Variants in ZPLD1 observed in about 807,000 individuals in gnomAD.
The protein encoded by ZPLD1 is zona pellucida like domain containing 1.
Under a neutral mutation model 47.2 loss-of-function variants are expected in ZPLD1, and 34 were observed. The ratio of observed to expected loss-of-function variants is 0.72; its 90% CI spans 0.55 to 0.96. The LOEUF is 0.96. Ranked by LOEUF, ZPLD1 falls within the 40% of genes least tolerant of loss-of-function variation. The pLI, the probability that ZPLD1 is intolerant of heterozygous loss-of-function variation, is 0.00. For synonymous variants in ZPLD1, 176 were observed against 186.2 expected (o/e 0.95, Z 0.45); for missense variants, 512 against 505.8 (o/e 1.01, Z -0.12).
chr3:102,445,589 C>T (rs779523254), intron 3 of ZPLD1, among the ~76,000 whole-genome samples: 1 of 152,144 alleles, frequency 6.6e-6, no homozygotes, highest in Non-Finnish European at 1.5e-5. Context: ...AAAACTCAGG[C>T]CCCAGCTCAG....
upstream of ZPLD1, among the ~76,000 whole-genome samples, chr3:102,432,403 A>G (rs1360322351): frequency 6.6e-6 from 1 of 152,218 alleles, no homozygotes; most frequent in Non-Finnish European, 1.5e-5. Context: ...GCTTTAGTTT[A>G]GTGGGGAAAA....
chr3:102,454,342 T>C (rs1036102589), intron 4 of ZPLD1, among the ~76,000 whole-genome samples: 1 of 151,998 alleles, frequency 6.6e-6, no homozygotes, highest in Non-Finnish European at 1.5e-5. Context: ...GTGATGCAGG[T>C]TGATTATTAC....
At chr3:102,421,017 C>T (rs1251915202) in intron 8 of ZPLD1, among the ~76,000 whole-genome samples, 1 of 151,808 alleles carries the variant, frequency 6.6e-6, no homozygotes, top group African/African-American at 2.4e-5. Flanking sequence ...ATGTCAATGG[C>T]TTTGTTTGTA....
At chr3:102,410,486 A>G (rs919714669) in intron 7 of ZPLD1, among the ~76,000 whole-genome samples, 3 of 151,862 alleles carry the variant, frequency 2.0e-5, no homozygotes, top group Non-Finnish European at 4.4e-5. Context: ...TTGCTCAAAA[A>G]TTTATATGCA....
chr3:102,397,825 C>T (rs979047860), intron 7 of ZPLD1, among the ~76,000 whole-genome samples: 3 of 152,126 alleles, frequency 2.0e-5, no homozygotes, highest in Non-Finnish European at 4.4e-5. Flanking sequence ...GTGCTTTGTT[C>T]TCATAGTCTA....
chr3:102,413,848 G>T (rs1706773490), intron 7 of ZPLD1, among the ~76,000 whole-genome samples: 1 of 151,516 alleles, frequency 6.6e-6, no homozygotes, highest in South Asian at 2.1e-4. Flanking sequence ...ATAAAATTTG[G>T]GTGATTTCAA....
chr3:102,401,201 A>T (rs1422614668), intron 7 of ZPLD1, among the ~76,000 whole-genome samples: 1 of 152,086 alleles, frequency 6.6e-6, no homozygotes, highest in Non-Finnish European at 1.5e-5. Context: ...CTGCTCTATA[A>T]TGAGCTATGC....
At chr3:102,434,012 CCAAT>C (rs1212911684), upstream of ZPLD1, among the ~76,000 whole-genome samples, 2 of 152,108 alleles carry the variant, frequency 1.3e-5, no homozygotes, top group African/African-American at 4.8e-5. Flanking sequence ...TTGAAAACCT[CCAAT>C]CAAGTCAAAG....
chr3:102,435,101 C>T lies in ZPLD1; in HGVS notation c.-176C>T, dbSNP rs377116375. On this transcript the variant is annotated 5_prime_UTR_variant, in exon 1 of 12. Coordinates refer to ENST00000466937, the MANE Select transcript of ZPLD1 (RefSeq NM_001329788.2). ...ACTGTGCTAAAATAGCATCTCCAAG[C>T]TTGCTATGGCAAGATGATGCTCAGG... is the stretch of plus-strand genomic sequence containing the variant. The T allele has an allele frequency of 1.2e-4, 194 of 1,613,936 alleles. 2 individuals are homozygous for T. The Admixed American group carries it at 3.0e-3, about 25-fold the overall frequency.
At chr3:102,446,457 A>C (rs1319383617) in intron 3 of ZPLD1, among the ~76,000 whole-genome samples, 1 of 152,072 alleles carries the variant, frequency 6.6e-6, no homozygotes, top group Non-Finnish European at 1.5e-5. Flanking sequence ...TCAAATTTGT[A>C]TTTCTTGTTT....
At chr3:102,453,260 C>G in intron 4 of ZPLD1, 121 bp downstream of exon 4, 1 of 894,342 alleles carries the variant, frequency 1.1e-6, no homozygotes, top group South Asian at 1.7e-5. Flanking sequence ...GAACAAATCA[C>G]TTTCCTTTGC....
chr3:102,432,003 G>T (rs750994905), upstream of ZPLD1, among the ~76,000 whole-genome samples: 1 of 152,180 alleles, frequency 6.6e-6, no homozygotes, highest in African/African-American at 2.4e-5. Context: ...ATGATTCTTA[G>T]CTGGGCAATA....
At chr3:102,446,902 C>G (rs1707263787) in intron 3 of ZPLD1, among the ~76,000 whole-genome samples, 1 of 152,140 alleles carries the variant, frequency 6.6e-6, no homozygotes, top group African/African-American at 2.4e-5. Context: ...CAAAGTCTAG[C>G]ACAGAGACTG....
At chr3:102,446,223 T>A (rs1707253401) in intron 3 of ZPLD1, among the ~76,000 whole-genome samples, 1 of 152,172 alleles carries the variant, frequency 6.6e-6, no homozygotes, top group African/African-American at 2.4e-5. Context: ...ATATCCACTC[T>A]CCGATATAAT....
Position 102,438,579 on chromosome 3 carries a change from A to G in ZPLD1, c.92A>G (p.His31Arg). 2 of 1,612,964 alleles carry G rather than the reference A, an allele frequency of 1.2e-6. No individual in the cohort carries two copies. The highest frequency in any genetic ancestry group is 1.7e-6 in the Non-Finnish European group (2 of 1,178,964). ...GGCTACAACTGTGATGCCAACCTCCACAGTAGATTTCCTGGTAAGTGTAAG... is the reference window on the plus strand; with the variant it reads ...GGCTACAACTGTGATGCCAACCTCCGCAGTAGATTTCCTGGTAAGTGTAAG... The part of the protein sequence containing the change: ...FNGYNCDANL[H>R]SRFPAERDIS... The change falls in exon 3 of 12, where the codon CAC becomes CGC. Residue 31 changes from histidine (H) to arginine (R), a missense_variant. By Grantham distance (29) the His-to-Arg change is conservative. Transcript: ENST00000466937.
chr3:102,461,551 T>G (rs1707507427), intron 6 of ZPLD1, among the ~76,000 whole-genome samples: 1 of 152,006 alleles, frequency 6.6e-6, no homozygotes, highest in Non-Finnish European at 1.5e-5. Context: ...TGGCATGTAT[T>G]TTAGCAGCTT....
chr3:102,399,393 C>T (rs535973250), intron 7 of ZPLD1, among the ~76,000 whole-genome samples: 1 of 152,150 alleles, frequency 6.6e-6, no homozygotes, highest in South Asian at 2.1e-4. Context: ...TCATGGGTGG[C>T]CTTCATTATG....
At chr3:102,434,999 A>G (rs1487393086), upstream of ZPLD1, 14 of 1,152,396 alleles carry the variant, frequency 1.2e-5, no homozygotes, top group Non-Finnish European at 1.7e-5. Context: ...CCAGGATGAT[A>G]TGTTTTTGAG....
At chr3:102,407,639 T>C (rs1016199237) in intron 7 of ZPLD1, among the ~76,000 whole-genome samples, 1 of 151,326 alleles carries the variant, frequency 6.6e-6, no homozygotes, top group African/African-American at 2.4e-5. Flanking sequence ...AGAAACTCTT[T>C]TAGGCAGTAG....
Sources: allele counts gnomAD v4.1 joint callset (sites outside exome capture counted in the v4.1 genomes callset), GRCh38; gene constraint gnomAD v4.1.1; transcripts MANE v1.5; gene names NCBI Gene and HGNC (gene_info 2026-07-23, HGNC 2026-07-21).